The following GCN1 variants were observed in gnomAD, a reference collection of about 807,000 sequenced individuals.
The protein encoded by GCN1 is stalled ribosome sensor GCN1.
A neutral mutation model predicts 288.4 loss-of-function variants in GCN1; 90 were observed. That is an observed-to-expected ratio of 0.31 (90% CI 0.26 to 0.37). The LOEUF (loss-of-function observed/expected upper bound fraction) is 0.37, where lower values mean the gene tolerates loss of function less well. GCN1 is among the 10% of genes least tolerant of loss of function. GCN1 has a pLI of 1.00. For synonymous variants in GCN1, 1,386 were observed against 1,420.2 expected (o/e 0.98, Z 0.54); for missense variants, 2,586 against 3,419.9 (o/e 0.76, Z 6.08).
In GCN1 at chr12:120,178,627, T is replaced by C; in HGVS notation, c.658A>G (p.Lys220Glu). ...AGTCACTCTGCCTTGGCACTTGCCT[T>C]GTGCTGACTGACCACGTCCATCTCC... ...HKEMDVVSQHKSALLDFYMKN... is the reference protein window; with the variant it reads ...HKEMDVVSQHESALLDFYMKN... Residue 220 changes from lysine (K) to glutamate (E), a missense_variant and splice_region_variant, in exon 7 of 58, where the codon AAG becomes GAG. Coordinates refer to ENST00000300648, the MANE Select transcript of GCN1 (RefSeq NM_006836.2). The C allele has an allele frequency of 6.2e-7, 1 of 1,614,230 alleles. No individual in the cohort carries two copies. The highest frequency in any genetic ancestry group is 8.5e-7 in the Non-Finnish European group (1 of 1,180,034).
At position 120,177,463 on chromosome 12, in the gene GCN1, T is replaced by G; in HGVS notation, c.822A>C (p.Pro274=). Residue 274 remains proline, a synonymous_variant, in exon 9 of 58, where the codon CCA becomes CCC. Coordinates refer to ENST00000300648, the MANE Select transcript of GCN1 (RefSeq NM_006836.2). ...PTIQKSLLRS[P]ENVIETISSL... ...GCAACCTACTTTCAATAACATTCTC[T>G]GGACTCCTCAGTAAGGACTTCTGTA... is the stretch of plus-strand genomic sequence containing the variant. 6.3e-7 allele frequency: 1 copy of G among 1,577,142 alleles called. No homozygotes were observed. Among genetic ancestry groups the G allele is most frequent in the Non-Finnish European group, 8.7e-7 (1 of 1,146,416 alleles).
At chr12:120,166,911 A>C (rs1878148413) in intron 16 of GCN1, among the ~76,000 whole-genome samples, 2 of 151,492 alleles carry the variant, frequency 1.3e-5, no homozygotes, top group African/African-American at 4.9e-5. Flanking sequence ...CTACTCAGGA[A>C]GCTGAGGTGG....
rs778173743 is a variant in GCN1 at position 120,155,564 on chromosome 12, G to A, written c.3440+28C>T. On this transcript the variant is annotated intron_variant, in intron 29 of 57. Coordinates refer to ENST00000300648, the MANE Select transcript of GCN1 (RefSeq NM_006836.2). This position sits in a 1 kb window ranked among gnomAD's most constrained non-coding sequence, Gnocchi z 4.9. ...TCCTAAAGGAAGAGAGGATGCAGCAGGAGAAAGCGACATGCTGGCTCTCTC... is the reference window on the plus strand; with the variant it reads ...TCCTAAAGGAAGAGAGGATGCAGCAAGAGAAAGCGACATGCTGGCTCTCTC... 2.1e-5 allele frequency: 34 copies of A among 1,613,164 alleles called. No individual in the cohort carries two copies. In the South Asian group the frequency reaches 3.5e-4, roughly 17 times the overall value.
rs200106161 is a variant in GCN1 at position 120,144,392 on chromosome 12, C to T, written c.5409G>A (p.Arg1803=). 6.2e-6 allele frequency: 10 copies of T among 1,614,092 alleles called. No individual in the cohort carries two copies. The Admixed American group carries it at 1.3e-4, about 22-fold the overall frequency. The part of the protein sequence containing the change: ...VRDTALRAGQ[R]VISMYAETAI... ...CTGTCTCAGCGTACATGGAGATAAC[C>T]CGCTGGCCCGCGCGCAGGGCGGTGT... Residue 1803 remains arginine, a synonymous_variant, in exon 42 of 58, where the codon CGG becomes CGA. Transcript: ENST00000300648. The surrounding 1 kb of genome is among the most constrained non-coding windows in gnomAD (Gnocchi z 4.7).
In GCN1 at chr12:120,149,593, C is replaced by A; in HGVS notation, c.4546+13G>T. The A allele has an allele frequency of 6.4e-7, 1 of 1,566,970 alleles. No individual in the cohort carries two copies. ...CAGGAAGCTGGGAAGAGAGGCAGAGCGAGTGGTCTTACCAGCTTTGGTCCG... is the reference window on the plus strand; with the variant it reads ...CAGGAAGCTGGGAAGAGAGGCAGAGAGAGTGGTCTTACCAGCTTTGGTCCG... On this transcript the variant is annotated intron_variant, in intron 36 of 57. Coordinates refer to ENST00000300648, the MANE Select transcript of GCN1 (RefSeq NM_006836.2).
intron 45 of GCN1, 133 bp from the exon 46 acceptor site, chr12:120,138,989 C>T (rs1295367616): frequency 2.8e-6 from 2 of 710,330 alleles, no homozygotes; most frequent in African/African-American, 1.8e-5. Context: ...TGTCTTTTAA[C>T]TTAACTCTTT....
chr12:120,127,934 A>G lies in GCN1; in HGVS notation c.7931T>C (p.Leu2644Pro). Residue 2644 changes from leucine to proline, a missense_variant, in exon 58 of 58, where the codon CTG (leucine) becomes CCG (proline). Physicochemically the swap from Leu to Pro is moderately conservative, Grantham distance 98 (BLOSUM62 -3). Around this residue, in one of 8 missense-constraint regions of GCN1, gnomAD observed 355 missense variants for 431.1 expected, o/e 0.82. Transcript: ENST00000300648. ...CAGGGACCTTCGGTTAACCTCGTTC[A>G]GCACCTCCAAACTGGCCACATCCAG... ...KILDVASLEV[L>P]NEVNRRSLKK... 1 of 1,614,104 alleles carries G rather than the reference A, an allele frequency of 6.2e-7. No individual in the cohort carries two copies. Among genetic ancestry groups the G allele is most frequent in the Non-Finnish European group, 8.5e-7 (1 of 1,179,952 alleles).
rs571706046 is a variant in GCN1, at chr12:120,181,368, G to A, written c.426+2201C>T. ...TAGTCCCAGCTACTCAGGAGGCTGT[G>A]ACAGAAGGATCGCTTGAGCCCAGGA... is the stretch of plus-strand genomic sequence containing the variant. On this transcript the variant is annotated intron_variant, in intron 5 of 57. Transcript: ENST00000300648. 1.1e-4 allele frequency among the ~76,000 whole-genome samples: 16 copies of A among 150,038 alleles called. No homozygotes were observed. In the South Asian group the frequency reaches 3.4e-3, roughly 31 times the overall value.
At position 120,136,565 on chromosome 12, in the gene GCN1, C is replaced by T; in HGVS notation, c.6945G>A (p.Gly2315=). ...SITGPLIRIL[G]DRFSWNVKAA... is the part of the protein sequence containing the mutation. The stretch of plus-strand genomic sequence containing the variant: ...CCTTCACATTCCAGCTGAACCTGTC[C>T]CCCAGGATGCGGATCAGAGGGCCAG... The change falls in exon 51 of 58, where the codon GGG becomes GGA. Residue 2315 remains glycine (G), a synonymous_variant. Coordinates refer to ENST00000300648, the MANE Select transcript of GCN1 (RefSeq NM_006836.2). The T allele has an allele frequency of 1.2e-6, 2 of 1,614,170 alleles. No individual in the cohort carries two copies. Among genetic ancestry groups the T allele is most frequent in the Non-Finnish European group, 1.7e-6 (2 of 1,180,032 alleles).
Position 120,153,411 on chromosome 12 carries a change from G to T in GCN1, c.3868-4C>A. ...GCAACAGCGAGTTGACGTTCTCCTG[G>T]AAAGCCAAACCCCTCAGAGCCTCAG... On this transcript the variant is annotated splice_region_variant and splice_polypyrimidine_tract_variant and intron_variant, in intron 32 of 57. Coordinates refer to ENST00000300648, the MANE Select transcript of GCN1 (RefSeq NM_006836.2). The surrounding 1 kb of genome is among the most constrained non-coding windows in gnomAD (Gnocchi z 4.4). The T allele has an allele frequency of 6.2e-7, 1 of 1,613,526 alleles. No individual in the cohort carries two copies. The highest frequency in any genetic ancestry group is 8.5e-7 in the Non-Finnish European group (1 of 1,179,848).
At chr12:120,149,849 G>A in intron 35 of GCN1, 73 bp downstream of exon 35, 1 of 1,590,370 alleles carries the variant, frequency 6.3e-7, no homozygotes, top group Non-Finnish European at 8.6e-7. Flanking sequence ...CCTGTGCCAA[G>A]GCCTGCAGAC....
chr12:120,131,874 G>C (rs547209935), intron 54 of GCN1, 52 bp downstream of exon 54: 2 of 1,159,840 alleles, frequency 1.7e-6, no homozygotes, highest in East Asian at 2.5e-5. Context: ...TCGACTCTTC[G>C]CTAGGGCTGA....
At position 120,149,616 on chromosome 12, in the gene GCN1, C is replaced by A; in HGVS notation, c.4536G>T (p.Arg1512=). The part of the protein sequence containing the change: ...LLAALEEESW[R]TKAGSVELLG... Reference sequence around the variant, plus strand: ...AGCGAGTGGTCTTACCAGCTTTGGTCCGCCACGATTCCTCCTCCAGGGCAG... The same window carrying A: ...AGCGAGTGGTCTTACCAGCTTTGGTACGCCACGATTCCTCCTCCAGGGCAG... Residue 1512 remains arginine (R), a synonymous_variant, in exon 36 of 58, where the codon CGG becomes CGT. Transcript: ENST00000300648. 6.2e-7 allele frequency: 1 copy of A among 1,612,080 alleles called. No individual in the cohort carries two copies. The highest frequency in any genetic ancestry group is 8.5e-7 in the Non-Finnish European group (1 of 1,178,446).
At chr12:120,131,483 T>C (rs1379323261) in intron 54 of GCN1, 150 bp from the exon 55 acceptor site, 1 of 713,210 alleles carries the variant, frequency 1.4e-6, no homozygotes, top group Admixed American at 2.7e-5. Context: ...ACCTCCCTGC[T>C]ATCTTGGCAG....
rs1877760242 is a variant in GCN1 at position 120,156,716 on chromosome 12, C to T, written c.3169-112G>A. ...CCCTACAGCACTGCAAGGGCTAAGACCCCAGCTCCAGTGGCAGGACCCAAG... is the reference window on the plus strand; with the variant it reads ...CCCTACAGCACTGCAAGGGCTAAGATCCCAGCTCCAGTGGCAGGACCCAAG... On this transcript the variant is annotated intron_variant, in intron 27 of 57. Transcript: ENST00000300648. The surrounding 1 kb of genome is among the most constrained non-coding windows in gnomAD (Gnocchi z 5.8). 7 of 1,136,310 alleles carry T rather than the reference C, an allele frequency of 6.2e-6. No individual in the cohort carries two copies. The South Asian group carries it at 9.8e-5, about 16-fold the overall frequency. 70.4% of individuals were successfully genotyped at this position (1,136,310 alleles called of 1,614,324 possible).
At position 120,145,344 on chromosome 12, in the gene GCN1, G is replaced by A; in HGVS notation, c.4948-14C>T. The A allele has an allele frequency of 1.3e-6, 2 of 1,560,022 alleles. No homozygotes were observed. Among genetic ancestry groups the A allele is most frequent in the South Asian group, 1.2e-5 (1 of 82,656 alleles). On this transcript the variant is annotated splice_polypyrimidine_tract_variant and intron_variant, in intron 38 of 57. Coordinates refer to ENST00000300648, the MANE Select transcript of GCN1 (RefSeq NM_006836.2). ...CGGAGCCAAGTCCTGCAACAACACA[G>A]GAGGCGGCTCAGGTGAGGCCCGACT...
intron 11 of GCN1, 78 bp downstream of exon 11, chr12:120,175,668 G>T: frequency 6.9e-7 from 1 of 1,443,632 alleles, no homozygotes; most frequent in Non-Finnish European, 9.4e-7. Context: ...GGAGCATCAA[G>T]TCCCCTTCAG....
intron 15 of GCN1, among the ~76,000 whole-genome samples, chr12:120,168,635 T>C (rs1171115349): frequency 6.6e-6 from 1 of 152,212 alleles, no homozygotes; most frequent in African/African-American, 2.4e-5. Flanking sequence ...GGACTCACAC[T>C]GGGCCATCCC....
intron 9 of GCN1, among the ~76,000 whole-genome samples, 194 bp from the exon 10 acceptor site, chr12:120,176,411 C>T (rs1665536853): frequency 6.6e-6 from 1 of 152,166 alleles, no homozygotes; most frequent in African/African-American, 2.4e-5. Flanking sequence ...AATTGCCTTT[C>T]CAACATCCCA....
Sources: gnomAD v4.1 joint callset for allele counts (sites outside exome capture counted in the v4.1 genomes callset) on GRCh38, gnomAD v4.1.1 for gene constraint, gnomAD v4.1.1 regional missense constraint, Gnocchi (gnomAD v3.1) non-coding constraint, MANE v1.5 for transcripts, NCBI Gene and HGNC (gene_info 2026-07-23, HGNC 2026-07-21) for gene names.